The following PRDM16 variants were observed in gnomAD, a reference collection of about 807,000 sequenced individuals.
The protein encoded by PRDM16 is PR/SET domain 16.
PRDM16 carries 23 observed loss-of-function variants against 110.6 expected under a neutral mutation model. The observed-to-expected ratio is 0.21, with a 90% confidence interval of 0.15 to 0.29. The LOEUF is 0.29. PRDM16 is among the 10% of genes least tolerant of loss of function. The pLI, the probability that PRDM16 is intolerant of heterozygous loss-of-function variation, is 1.00. For missense variants in PRDM16, 1,615 were observed against 1,794.3 expected (o/e 0.90, Z 1.81); for synonymous variants, 799 against 781.8 (o/e 1.02, Z -0.37).
At chr1:3,407,642 C>G (rs1169621177) in intron 8 of PRDM16, among the ~76,000 whole-genome samples, 1 of 152,158 alleles carries the variant, frequency 6.6e-6, no homozygotes, top group Non-Finnish European at 1.5e-5. Flanking sequence ...AAAATTGGAC[C>G]TAGGTTTAAA....
At chr1:3,277,359 G>A (rs1464259889) in intron 3 of PRDM16, among the ~76,000 whole-genome samples, 2 of 152,194 alleles carry the variant, frequency 1.3e-5, no homozygotes, top group Non-Finnish European at 2.9e-5. Flanking sequence ...GCCCACCTCA[G>A]AGGCCAGGAG....
chr1:3,091,934 G>A (rs953512824), intron 1 of PRDM16, among the ~76,000 whole-genome samples: 3 of 152,242 alleles, frequency 2.0e-5, no homozygotes, highest in East Asian at 3.8e-4. Flanking sequence ...CGCAGAACCT[G>A]CCAGGAAAAT....
At chr1:3,079,774 T>C (rs1641978001) in intron 1 of PRDM16, among the ~76,000 whole-genome samples, 1 of 152,204 alleles carries the variant, frequency 6.6e-6, no homozygotes, top group East Asian at 1.9e-4. Context: ...TGAGGACGTG[T>C]GTGTGCTCTG....
intron 1 of PRDM16, among the ~76,000 whole-genome samples, chr1:3,179,937 G>A (rs1013163153): frequency 3.9e-5 from 6 of 152,086 alleles, no homozygotes; most frequent in African/African-American, 1.2e-4. Context: ...CACCGGATTT[G>A]TTTGCTCCAT....
chr1:3,096,186 C>CT (rs1258667858), intron 1 of PRDM16, among the ~76,000 whole-genome samples: 1 of 152,158 alleles, frequency 6.6e-6, no homozygotes, highest in Admixed American at 6.5e-5. Flanking sequence ...GGGCAGGAAC[C>CT]TCGGCTTTCC....
rs188554841 is a variant in PRDM16, at chr1:3,245,570, G to A, written c.438+1433G>A. On this transcript the variant is annotated intron_variant, in intron 3 of 16. Transcript: ENST00000270722. This position sits in a 1 kb window ranked among gnomAD's most constrained non-coding sequence, Gnocchi z 4.7. ...GTGTGGCTGTGTCTGGCCTCCTGGG[G>A]TCCTTTTGTCCAAGGACAAGGTGTC... Among the ~76,000 whole-genome samples, 138 of 152,296 alleles carry A rather than the reference G, an allele frequency of 9.1e-4. No homozygotes were observed. The highest frequency in any genetic ancestry group is 2.9e-3 in the African/African-American group (122 of 41,566).
chr1:3,415,650 G>A (rs892776981), intron 10 of PRDM16, among the ~76,000 whole-genome samples: 4 of 152,260 alleles, frequency 2.6e-5, no homozygotes, highest in African/African-American at 9.6e-5. Flanking sequence ...TGATCGGGCG[G>A]AGCAAGCCGG....
At chr1:3,355,467 G>A (rs1642576738) in intron 3 of PRDM16, among the ~76,000 whole-genome samples, 1 of 152,220 alleles carries the variant, frequency 6.6e-6, no homozygotes, top group African/African-American at 2.4e-5. Context: ...AGTCCCTACT[G>A]GTTGGTGCCA....
rs535896906 is a variant in PRDM16, at chr1:3,082,740, A to G, written c.37+13444A>G. On this transcript the variant is annotated intron_variant, in intron 1 of 16. Coordinates refer to ENST00000270722, the MANE Select transcript of PRDM16 (RefSeq NM_022114.4). ...AGCAAGGAGAGGTGGGGTGCGCTTC[A>G]TCTCAGCTGCCCCAGGGCTGAGCTC... 7.2e-5 allele frequency among the ~76,000 whole-genome samples: 11 copies of G among 152,300 alleles called. No homozygotes were observed. The East Asian group carries it at 1.9e-3, about 27-fold the overall frequency.
Position 3,436,221 on chromosome 1 carries a change from C to G in PRDM16, c.*2410C>G. ...GTGCTTTTTTTTTTTTGCAATATGACCCCGTCTCTCTGAAGTGGGACATTC... is the reference window on the plus strand; with the variant it reads ...GTGCTTTTTTTTTTTTGCAATATGAGCCCGTCTCTCTGAAGTGGGACATTC... On this transcript the variant is annotated 3_prime_UTR_variant, in exon 17 of 17. Coordinates refer to ENST00000270722, the MANE Select transcript of PRDM16 (RefSeq NM_022114.4). The G allele has an allele frequency of 8.7e-6, 2 of 229,830 alleles. No individual in the cohort carries two copies. Among genetic ancestry groups the G allele is most frequent in the East Asian group, 6.1e-5 (1 of 16,294 alleles). The allele number at this position is 229,830 out of a possible 1,614,324, so 14.2% of individuals were successfully genotyped here.
intron 4 of PRDM16, among the ~76,000 whole-genome samples, chr1:3,387,861 A>T (rs1643228614): frequency 6.6e-6 from 1 of 152,296 alleles, no homozygotes; most frequent in Admixed American, 6.5e-5. Context: ...TCAGAAACCC[A>T]TAGACTCTCA....
intron 1 of PRDM16, among the ~76,000 whole-genome samples, chr1:3,105,368 G>A (rs1311714307): frequency 1.3e-5 from 2 of 152,236 alleles, no homozygotes; most frequent in Non-Finnish European, 2.9e-5. Flanking sequence ...TGTGGGTCCA[G>A]AGATGGAAGG....
Position 3,418,685 on chromosome 1 carries a change from C to T in PRDM16, c.2880C>T (p.Phe960=), listed in dbSNP as rs1638341095. 1 of 1,599,418 alleles carries T rather than the reference C, an allele frequency of 6.3e-7. No individual in the cohort carries two copies. The stretch of plus-strand genomic sequence containing the variant: ...ACCCCAGGTACTGTGGGAAGATCTT[C>T]CCCAGATCAGCCAATCTCACCAGAC... ...RYTCRYCGKI[F]PRSANLTRHL... is the part of the protein sequence containing the mutation. Residue 960 remains phenylalanine (F), a synonymous_variant, in exon 12 of 17, where the codon TTC becomes TTT. Coordinates refer to ENST00000270722, the MANE Select transcript of PRDM16 (RefSeq NM_022114.4).
chr1:3,250,466 G>GC (rs1162753319), intron 3 of PRDM16, among the ~76,000 whole-genome samples: 4 of 151,600 alleles, frequency 2.6e-5, no homozygotes, highest in South Asian at 2.1e-4. Flanking sequence ...TTTTGCCGCC[G>GC]CCCCCCCACC....
At chr1:3,335,327 C>T (rs1642121163) in intron 3 of PRDM16, among the ~76,000 whole-genome samples, 1 of 152,112 alleles carries the variant, frequency 6.6e-6, no homozygotes, top group South Asian at 2.1e-4. Flanking sequence ...AATGAAAGAA[C>T]GTTATTGACT....
intron 2 of PRDM16, among the ~76,000 whole-genome samples, chr1:3,228,116 G>A (rs964973380): frequency 2.0e-5 from 3 of 152,228 alleles, no homozygotes. Flanking sequence ...TTGAGTGTGC[G>A]GGGGTCCTCC....
rs1176147091 is a variant in PRDM16, at chr1:3,339,497, A to G, written c.439-45655A>G. 1.3e-5 allele frequency among the ~76,000 whole-genome samples: 2 copies of G among 152,064 alleles called. No individual in the cohort carries two copies. Among genetic ancestry groups the G allele is most frequent in the South Asian group, 2.1e-4 (1 of 4,834 alleles). On this transcript the variant is annotated intron_variant, in intron 3 of 16. Transcript: ENST00000270722. The surrounding 1 kb of genome is among the most constrained non-coding windows in gnomAD (Gnocchi z 5.0). ...ACAGGGGCTTCCTGGAGGAAGTGCT[A>G]CTTAGGCTGGGATTTCAAGAGCAAC...
chr1:3,336,701 AGCACATGCAT>A (rs1642162474), intron 3 of PRDM16, among the ~76,000 whole-genome samples: 2 of 142,116 alleles, frequency 1.4e-5, no homozygotes, highest in African/African-American at 2.7e-5. Context: ...TGAATCTGTG[AGCACATGCAT>A]GCACATGTGT....
chr1:3,301,393 CAAAT>C (rs971705125), intron 3 of PRDM16, among the ~76,000 whole-genome samples: 6 of 144,824 alleles, frequency 4.1e-5, no homozygotes, highest in Non-Finnish European at 9.2e-5. Flanking sequence ...GCTTGCCAAA[CAAAT>C]GAATAAATGA....
Sources: gnomAD v4.1 joint callset for allele counts (sites outside exome capture counted in the v4.1 genomes callset) on GRCh38, gnomAD v4.1.1 for gene constraint, Gnocchi (gnomAD v3.1) non-coding constraint, MANE v1.5 for transcripts, NCBI Gene and HGNC (gene_info 2026-07-23, HGNC 2026-07-21) for gene names.